The following RRM2B variants were observed in gnomAD, a reference collection of about 807,000 sequenced individuals.
RRM2B encodes ribonucleoside-diphosphate reductase subunit M2 B.
Under a neutral mutation model 45.9 loss-of-function variants are expected in RRM2B, and 20 were observed. That is an observed-to-expected ratio of 0.44 (90% CI 0.31 to 0.63). The LOEUF (loss-of-function observed/expected upper bound fraction) is 0.63. Among genes scored for constraint, RRM2B ranks in the 30% least tolerant of loss-of-function variants. RRM2B has a pLI of 0.09. For synonymous variants in RRM2B, 124 were observed against 132.3 expected, an observed-to-expected ratio of 0.94 and a Z score of 0.43; for missense variants, 320 against 414.7, an observed-to-expected ratio of 0.77 and a Z score of 1.98.
intron 1 of RRM2B, among the ~76,000 whole-genome samples, chr8:102,234,093 G>C (rs1316295070): frequency 6.6e-6 from 1 of 152,154 alleles, no homozygotes; most frequent in Non-Finnish European, 1.5e-5. Flanking sequence ...TATACTCAAA[G>C]TATGAAAGTT....
chr8:102,224,449 C>T (rs1475979628), intron 4 of RRM2B, among the ~76,000 whole-genome samples: 2 of 151,726 alleles, frequency 1.3e-5, no homozygotes, highest in Admixed American at 6.6e-5. Context: ...GCTGGGATTA[C>T]AGCCATGAGC....
rs1175194213 is a variant in RRM2B, at chr8:102,207,711, G to C, written c.*422C>G. The C allele has an allele frequency of 6.1e-6, 1 of 164,222 alleles. No individual in the cohort carries two copies. The allele number at this position is 164,222 out of a possible 1,614,324, so 10.2% of individuals were successfully genotyped here. The stretch of plus-strand genomic sequence containing the variant: ...ATTAGTAGTGGTGCTAACAGTAGTA[G>C]TGTTGGTTAAGCATTTATTTTTGCA... On this transcript the variant is annotated 3_prime_UTR_variant, in exon 9 of 9. Coordinates refer to ENST00000251810, the MANE Select transcript of RRM2B (RefSeq NM_015713.5).
chr8:102,222,412 G>C (rs1810852392), intron 5 of RRM2B, among the ~76,000 whole-genome samples: 1 of 152,124 alleles, frequency 6.6e-6, no homozygotes, highest in Non-Finnish European at 1.5e-5. Flanking sequence ...AAGGCAAGGA[G>C]GCAAACATAT....
At chr8:102,226,630 C>T (rs1205550975) in intron 2 of RRM2B, among the ~76,000 whole-genome samples, 2 of 152,116 alleles carry the variant, frequency 1.3e-5, no homozygotes, top group Non-Finnish European at 2.9e-5. Flanking sequence ...AATTAGGCAC[C>T]TATTAACCAA....
At chr8:102,235,846 A>G (rs1811112774) in intron 1 of RRM2B, among the ~76,000 whole-genome samples, 1 of 152,240 alleles carries the variant, frequency 6.6e-6, no homozygotes, top group South Asian at 2.1e-4. Flanking sequence ...CGTCTCAAAA[A>G]AAAAAGAATA....
intron 1 of RRM2B, chr8:102,238,533 CGGATAAACGCA>C (rs778549543): frequency 9.2e-5 from 136 of 1,472,756 alleles, no homozygotes; most frequent in Non-Finnish European, 1.2e-4. Context: ...GAGCGTGAGG[CGGATAAACGCA>C]GGGGTAAGTC....
At chr8:102,218,211 C>A (rs1257665319) in intron 6 of RRM2B, among the ~76,000 whole-genome samples, 1 of 152,112 alleles carries the variant, frequency 6.6e-6, no homozygotes, top group East Asian at 1.9e-4. Context: ...GATTCCATTA[C>A]AGTAAACAAG....
chr8:102,228,235 C>G (rs1344601809), intron 2 of RRM2B, among the ~76,000 whole-genome samples: 1 of 152,142 alleles, frequency 6.6e-6, no homozygotes, highest in Non-Finnish European at 1.5e-5. Context: ...TTCAGAGGGA[C>G]AGCTTGACAG....
At chr8:102,209,997 G>A (rs891332924) in intron 8 of RRM2B, among the ~76,000 whole-genome samples, 1 of 152,208 alleles carries the variant, frequency 6.6e-6, no homozygotes, top group African/African-American at 2.4e-5. Context: ...CCTAAGGCAA[G>A]GTGGGTAAGG....
intron 1 of RRM2B, 87 bp downstream of exon 1, chr8:102,238,740 T>A (rs1811175158): frequency 6.2e-7 from 1 of 1,606,456 alleles, no homozygotes; most frequent in African/African-American, 1.3e-5. Flanking sequence ...CCGCGGCGAA[T>A]AACATTTCCT....
intron 8 of RRM2B, among the ~76,000 whole-genome samples, chr8:102,209,339 T>A (rs1345902645): frequency 6.6e-6 from 1 of 152,128 alleles, no homozygotes; most frequent in Non-Finnish European, 1.5e-5. Context: ...AGTGTCTAAA[T>A]AGACAAACTG....
chr8:102,225,018 C>T lies in RRM2B; in HGVS notation c.322G>A (p.Val108Met). ...ASDGIVNENL[V>M]ERFSQEVQVP... Reference sequence around the variant, plus strand: ...TGCACCTCCTGACTAAAGCGCTCCACCTAAGAAGATAAGGAAAATAGATAT... The same window carrying T: ...TGCACCTCCTGACTAAAGCGCTCCATCTAAGAAGATAAGGAAAATAGATAT... Residue 108 changes from valine to methionine, a missense_variant and splice_region_variant, in exon 4 of 9, where the codon GTG becomes ATG. Val to Met is a conservative substitution (Grantham distance 21, BLOSUM62 1). Around this residue, in one of 3 missense-constraint regions of RRM2B, gnomAD observed 225 missense variants for 289.4 expected, o/e 0.78. Coordinates refer to ENST00000251810, the MANE Select transcript of RRM2B (RefSeq NM_015713.5). The T allele has an allele frequency of 6.2e-7, 1 of 1,613,958 alleles. No homozygotes were observed. The highest frequency in any genetic ancestry group is 1.3e-5 in the African/African-American group (1 of 74,992).
At chr8:102,232,065 A>C in intron 2 of RRM2B, 84 bp downstream of exon 2, 1 of 1,209,788 alleles carries the variant, frequency 8.3e-7, no homozygotes, top group Non-Finnish European at 1.2e-6. Context: ...TCAATGTATA[A>C]GTTAAAGTTA....
chr8:102,226,766 T>A (rs1288524539), intron 2 of RRM2B, among the ~76,000 whole-genome samples: 1 of 152,152 alleles, frequency 6.6e-6, no homozygotes, highest in Non-Finnish European at 1.5e-5. Flanking sequence ...CAGGCTAGAG[T>A]GCAGTGGCAT....
chr8:102,217,840 A>G (rs1283160391), intron 6 of RRM2B, among the ~76,000 whole-genome samples: 36 of 151,464 alleles, frequency 2.4e-4, no homozygotes, highest in Admixed American at 1.4e-3. Flanking sequence ...AAAAAAAAAA[A>G]GGGGTGGTAA....
chr8:102,220,077 A>G (rs903904387), intron 5 of RRM2B, among the ~76,000 whole-genome samples: 2 of 152,188 alleles, frequency 1.3e-5, no homozygotes, highest in Non-Finnish European at 2.9e-5. Context: ...CATCTCTACA[A>G]AAAATTTAAA....
chr8:102,236,008 A>G (rs752731732), intron 1 of RRM2B, among the ~76,000 whole-genome samples: 27 of 152,340 alleles, frequency 1.8e-4, no homozygotes, highest in Middle Eastern at 3.4e-3. Context: ...ACAACTGAGG[A>G]TACAGTCTTA....
Position 102,205,532 on chromosome 8 carries a change from T to C in RRM2B, c.*2601A>G, listed in dbSNP as rs1810529415. On this transcript the variant is annotated 3_prime_UTR_variant, in exon 9 of 9. Coordinates refer to ENST00000251810, the MANE Select transcript of RRM2B (RefSeq NM_015713.5). ...TGTCTAAAAGCAATGGATCAAACTG[T>C]CTTCTCAAGTCCTTCCTGGCCATAT... 1 of 152,146 alleles carries C rather than the reference T, an allele frequency of 6.6e-6. No individual in the cohort carries two copies. Among genetic ancestry groups the C allele is most frequent in the Admixed American group, 6.5e-5 (1 of 15,272 alleles). 9.4% of individuals were successfully genotyped at this position (152,146 alleles called of 1,614,324 possible). A position where few individuals can be genotyped will look rare whatever the true frequency, so the allele number is the denominator to read the frequency against.
Position 102,206,794 on chromosome 8 carries a change from C to T in RRM2B, c.*1339G>A, listed in dbSNP as rs537712055. 1.4e-4 allele frequency: 22 copies of T among 152,296 alleles called. No homozygotes were observed. Among genetic ancestry groups the T allele is most frequent in the African/African-American group, 4.8e-4 (20 of 41,566 alleles). 9.4% of individuals were successfully genotyped at this position (152,296 alleles called of 1,614,324 possible). ...GGCAGACTTCTCAAAAACCTTGGTT[C>T]CCGGCCTTTCATCAGACTCTTCTAG... On this transcript the variant is annotated 3_prime_UTR_variant, in exon 9 of 9. Coordinates refer to ENST00000251810, the MANE Select transcript of RRM2B (RefSeq NM_015713.5).
Sources: gnomAD v4.1 joint callset for allele counts (sites outside exome capture counted in the v4.1 genomes callset) on GRCh38, gnomAD v4.1.1 for gene constraint, gnomAD v4.1.1 regional missense constraint, MANE v1.5 for transcripts, NCBI Gene and HGNC (gene_info 2026-07-23, HGNC 2026-07-21) for gene names.